Variants in IDI1 observed in about 807,000 individuals in gnomAD.
The protein encoded by IDI1 is isopentenyl-diphosphate Delta-isomerase 1.
A neutral mutation model predicts 32.9 loss-of-function variants in IDI1; 23 were observed. The ratio of observed to expected loss-of-function variants is 0.70; its 90% CI spans 0.50 to 0.99. The LOEUF is 0.99. Ranked by LOEUF, IDI1 falls within the 50% of genes least tolerant of loss-of-function variation. The probability of loss-of-function intolerance (pLI) is 0.00; values close to 1 mark genes in which losing one functional copy is unlikely to be tolerated. For synonymous variants in IDI1, 133 were observed against 128.2 expected (o/e 1.04, Z -0.25); for missense variants, 326 against 351.9 (o/e 0.93, Z 0.59).
At chr10:1,045,831 A>T (rs867022418) in intron 1 of IDI1, among the ~76,000 whole-genome samples, 6 of 151,856 alleles carry the variant, frequency 4.0e-5, no homozygotes, top group Non-Finnish European at 5.9e-5. Context: ...TTAAACAGCT[A>T]CTTAATACAA....
intron 1 of IDI1, chr10:1,048,324 C>G (rs1243232518): frequency 7.7e-7 from 1 of 1,304,610 alleles, no homozygotes; most frequent in South Asian, 1.2e-5. Context: ...TCCATCTATG[C>G]GATGCTCCCC....
intron 1 of IDI1, among the ~76,000 whole-genome samples, chr10:1,044,550 A>C (rs1832741110): frequency 6.6e-6 from 1 of 152,188 alleles, no homozygotes; most frequent in Non-Finnish European, 1.5e-5. Context: ...AATCTCTAGA[A>C]TGTGCTCCCA....
At chr10:1,051,405 C>T (rs80201061), upstream of IDI1, among the ~76,000 whole-genome samples, 2,564 of 152,198 alleles carry the variant, frequency 0.017, 33 homozygotes, top group Non-Finnish European at 0.028. Context: ...TGAAGTGGCA[C>T]GAACATATTT....
the IDI1 span, among the ~76,000 whole-genome samples, chr10:1,055,269 G>A: frequency 6.6e-6 from 1 of 152,084 alleles, no homozygotes; most frequent in Non-Finnish European, 1.5e-5. Context: ...ATTCCTTTGG[G>A]GATTAAATTA....
Position 1,041,207 on chromosome 10 carries a change from C to G in IDI1, c.835G>C (p.Glu279Gln). ...LNHLNQFVDHEKIYRM is the reference protein window; with the variant it reads ...LNHLNQFVDHQKIYRM ...CATATTCACATTCTGTATATTTTCT[C>G]ATGGTCAACAAACTGATTCAAATGA... The change falls in exon 5 of 5, where the codon GAG becomes CAG. Residue 279 changes from glutamate (E) to glutamine (Q), a missense_variant. Around this residue, in one of 2 missense-constraint regions of IDI1, gnomAD observed 205 missense variants for 273.5 expected, o/e 0.75. Transcript: ENST00000381344. The G allele has an allele frequency of 6.2e-7, 1 of 1,601,694 alleles. No homozygotes were observed. Among genetic ancestry groups the G allele is most frequent in the Non-Finnish European group, 8.5e-7 (1 of 1,171,018 alleles).
Position 1,041,209 on chromosome 10 carries a change from T to C in IDI1, c.833A>G (p.His278Arg), listed in dbSNP as rs1406689747. 6.2e-7 allele frequency: 1 copy of C among 1,603,768 alleles called. No individual in the cohort carries two copies. Among genetic ancestry groups the C allele is most frequent in the South Asian group, 1.1e-5 (1 of 90,168 alleles). Residue 278 changes from histidine (H) to arginine (R), a missense_variant, in exon 5 of 5, where the codon CAT becomes CGT. Physicochemically the swap from His to Arg is conservative, Grantham distance 29. Transcript: ENST00000381344. ...NLNHLNQFVD[H>R]EKIYRM ...TATTCACATTCTGTATATTTTCTCA[T>C]GGTCAACAAACTGATTCAAATGATT...
rs541470826 is a variant in IDI1, at chr10:1,049,103, G to A, written c.-100C>T. 1,114 of 1,405,400 alleles carry A rather than the reference G, an allele frequency of 7.9e-4. 10 individuals carry two copies. The African/African-American group carries it at 0.014, about 17-fold the overall frequency. The allele number at this position is 1,405,400 out of a possible 1,614,324, so 87.1% of individuals were successfully genotyped here. On this transcript the variant is annotated 5_prime_UTR_variant, in exon 1 of 5. Transcript: ENST00000381344. ...TGGCCTGTGACAACGGCAGACGCGC[G>A]AAGCACCGGGAACCTGAGCCGTGAC...
At chr10:1,051,083 G>A (rs1832999509), upstream of IDI1, among the ~76,000 whole-genome samples, 1 of 152,138 alleles carries the variant, frequency 6.6e-6, no homozygotes, top group African/African-American at 2.4e-5. Flanking sequence ...ATTTTTGACT[G>A]TACCTCGAAT....
chr10:1,051,148 A>G (rs1005447622), upstream of IDI1, among the ~76,000 whole-genome samples: 7 of 152,228 alleles, frequency 4.6e-5, no homozygotes. Flanking sequence ...TTTGGAAAAT[A>G]CTGATTTACT....
upstream of IDI1, among the ~76,000 whole-genome samples, chr10:1,053,363 G>A (rs1270837354): frequency 1.3e-5 from 2 of 152,192 alleles, no homozygotes; most frequent in African/African-American, 4.8e-5. Flanking sequence ...ACCAACCTCT[G>A]ATAGCTTCAG....
At chr10:1,044,813 A>AT (rs1408518353) in intron 1 of IDI1, among the ~76,000 whole-genome samples, 1 of 152,242 alleles carries the variant, frequency 6.6e-6, no homozygotes, top group Non-Finnish European at 1.5e-5. Context: ...CATTCTAGAT[A>AT]AACAGGAGAA....
intron 3 of IDI1, 73 bp from the exon 4 acceptor site, chr10:1,042,835 T>C: frequency 1.6e-6 from 2 of 1,283,810 alleles, no homozygotes; most frequent in Non-Finnish European, 2.2e-6. Flanking sequence ...AAAAGTTTTA[T>C]AAGTAACTGA....
the IDI1 span, chr10:1,056,666 C>T: frequency 6.6e-6 from 1 of 152,246 alleles, no homozygotes; most frequent in South Asian, 2.1e-4. Context: ...AAGGGGTCTT[C>T]AGCGCGCCCA....
At chr10:1,044,641 C>G (rs372263645) in intron 1 of IDI1, among the ~76,000 whole-genome samples, 176 of 152,304 alleles carry the variant, frequency 1.2e-3, no homozygotes, top group African/African-American at 4.0e-3. Context: ...TGGTTGAAAT[C>G]CATTTTTTCA....
intron 1 of IDI1, chr10:1,048,291 C>T (rs1288668821): frequency 7.7e-7 from 1 of 1,304,426 alleles, no homozygotes; most frequent in African/African-American, 1.5e-5. Flanking sequence ...AACACATCAT[C>T]CAACCCAAGA....
At chr10:1,042,116 T>G (rs1183311205) in intron 4 of IDI1, among the ~76,000 whole-genome samples, 1 of 152,206 alleles carries the variant, frequency 6.6e-6, no homozygotes, top group Non-Finnish European at 1.5e-5. Flanking sequence ...CCGACATTTT[T>G]CTTTTTCATA....
upstream of IDI1, among the ~76,000 whole-genome samples, chr10:1,051,424 G>A (rs1000340233): frequency 3.3e-5 from 5 of 152,086 alleles, no homozygotes; most frequent in Non-Finnish European, 5.9e-5. Flanking sequence ...TTATTTTCAC[G>A]AAAATGTCTG....
intron 4 of IDI1, 184 bp downstream of exon 4, chr10:1,042,448 T>G (rs533295164): frequency 5.8e-5 from 35 of 601,320 alleles, no homozygotes; most frequent in Non-Finnish European, 1.0e-4. Flanking sequence ...GAGCTAAGTT[T>G]TGACAAGTGA....
At chr10:1,052,166 C>T (rs527651493), upstream of IDI1, among the ~76,000 whole-genome samples, 84 of 152,280 alleles carry the variant, frequency 5.5e-4, no homozygotes, top group Admixed American at 4.6e-4. Flanking sequence ...CCACCGCACC[C>T]GGCCAGGAAA....
Sources: gnomAD v4.1 joint callset for allele counts (sites outside exome capture counted in the v4.1 genomes callset) on GRCh38, gnomAD v4.1.1 for gene constraint, gnomAD v4.1.1 regional missense constraint, MANE v1.5 for transcripts, NCBI Gene and HGNC (gene_info 2026-07-23, HGNC 2026-07-21) for gene names.